The following STXBP4 variants were observed in gnomAD, a reference collection of about 807,000 sequenced individuals.
STXBP4 encodes syntaxin binding protein 4, also known as syntaxin-binding protein 4.
A neutral mutation model predicts 76.1 loss-of-function variants in STXBP4; 55 were observed. The ratio of observed to expected loss-of-function variants is 0.72; its 90% CI spans 0.58 to 0.91. The LOEUF is 0.91. Ranked by LOEUF, STXBP4 falls within the 40% of genes least tolerant of loss-of-function variation. The pLI is 0.00. For missense variants in STXBP4, 618 were observed against 636.9 expected (o/e 0.97, Z 0.32); for synonymous variants, 201 against 220.2 (o/e 0.91, Z 0.77).
At chr17:55,152,945 C>G (rs999522091) in intron 17 of STXBP4, among the ~76,000 whole-genome samples, 1 of 152,106 alleles carries the variant, frequency 6.6e-6, no homozygotes, top group Non-Finnish European at 1.5e-5. Context: ...GTCACTTAAT[C>G]CATTCCAGAG....
chr17:55,073,361 G>T (rs2079144664), intron 13 of STXBP4, among the ~76,000 whole-genome samples: 1 of 152,120 alleles, frequency 6.6e-6, no homozygotes, highest in Admixed American at 6.6e-5. Flanking sequence ...ACATTTAATT[G>T]ATTACATTGG....
At chr17:55,122,569 A>G (rs1038071799) in intron 16 of STXBP4, among the ~76,000 whole-genome samples, 7 of 152,244 alleles carry the variant, frequency 4.6e-5, no homozygotes, top group Non-Finnish European at 8.8e-5. Flanking sequence ...TTTTATGTTT[A>G]CTTTATATCA....
intron 4 of STXBP4, among the ~76,000 whole-genome samples, chr17:54,997,610 A>G (rs1261944793): frequency 1.4e-5 from 2 of 146,080 alleles, no homozygotes; most frequent in Non-Finnish European, 3.0e-5. Context: ...TTATATATAT[A>G]TATATTTTTT....
chr17:55,173,719 T>C (rs919382810), downstream of STXBP4: 5 of 152,358 alleles, frequency 3.3e-5, no homozygotes, highest in East Asian at 5.8e-4. Context: ...GATATATATG[T>C]TTTCTATTGT....
At chr17:55,018,387 G>A (rs980893614) in intron 8 of STXBP4, among the ~76,000 whole-genome samples, 5 of 152,148 alleles carry the variant, frequency 3.3e-5, no homozygotes, top group Non-Finnish European at 5.9e-5. Flanking sequence ...GACAGCGAGC[G>A]AAAACTCAGC....
chr17:55,187,052 A>C, the STXBP4 span, among the ~76,000 whole-genome samples: 1 of 152,260 alleles, frequency 6.6e-6, no homozygotes, highest in Non-Finnish European at 1.5e-5. Context: ...GGATGTCCAG[A>C]GCTGCCTTAT....
At chr17:55,141,557 A>G (rs914191746) in intron 17 of STXBP4, among the ~76,000 whole-genome samples, 190 bp downstream of exon 17, 4 of 152,128 alleles carry the variant, frequency 2.6e-5, no homozygotes, top group Non-Finnish European at 5.9e-5. Flanking sequence ...TGGGGGAAAA[A>G]ACCTGGTAAT....
chr17:55,081,719 A>G (rs978021714), intron 16 of STXBP4, among the ~76,000 whole-genome samples: 22 of 152,134 alleles, frequency 1.4e-4, no homozygotes, highest in Admixed American at 8.5e-4. Context: ...CCAGTTCCCT[A>G]GTCTTCAGAG....
rs542956523 is a variant in STXBP4 at position 55,019,062 on chromosome 17, T to G, written c.666+11465T>G. On this transcript the variant is annotated intron_variant, in intron 8 of 17. Coordinates refer to ENST00000376352, the MANE Select transcript of STXBP4 (RefSeq NM_178509.6). The stretch of plus-strand genomic sequence containing the variant: ...TAATTGTTGGATTAGTTAATTGTTT[T>G]CTGAAGTAGTTTTCTCAATTGTCAT... Among the ~76,000 whole-genome samples the G allele has an allele frequency of 2.0e-5, 3 of 152,364 alleles. No homozygotes were observed. In the East Asian group the frequency reaches 5.8e-4, roughly 29 times the overall value.
chr17:55,120,045 G>A (rs1280615923), intron 16 of STXBP4, among the ~76,000 whole-genome samples: 1 of 152,054 alleles, frequency 6.6e-6, no homozygotes, highest in Non-Finnish European at 1.5e-5. Flanking sequence ...CACAGTTAAG[G>A]TTACTAAAGT....
chr17:54,992,229 C>G (rs536534457), intron 4 of STXBP4, among the ~76,000 whole-genome samples: 1 of 151,466 alleles, frequency 6.6e-6, no homozygotes, highest in Non-Finnish European at 1.5e-5. Context: ...GCCTGGGCAA[C>G]GTAGAGAGAC....
intron 8 of STXBP4, chr17:55,030,806 C>T (rs1370149379): frequency 5.9e-6 from 1 of 169,334 alleles, no homozygotes; most frequent in East Asian, 1.6e-4. Flanking sequence ...AGATGTTAAC[C>T]AAATATAATT....
At chr17:55,124,914 G>A (rs2079891711) in intron 16 of STXBP4, among the ~76,000 whole-genome samples, 2 of 152,126 alleles carry the variant, frequency 1.3e-5, no homozygotes, top group Admixed American at 6.6e-5. Context: ...GGGTGGGGTG[G>A]CTCTTGTCCC....
chr17:55,128,262 A>G (rs1038722462), intron 16 of STXBP4, among the ~76,000 whole-genome samples: 5 of 150,782 alleles, frequency 3.3e-5, no homozygotes, highest in Admixed American at 6.6e-5. Context: ...CATTCAACAA[A>G]TGAAAGTCAA....
intron 7 of STXBP4, among the ~76,000 whole-genome samples, chr17:55,002,100 AT>A (rs1210939037): frequency 6.6e-6 from 1 of 152,158 alleles, no homozygotes; most frequent in Non-Finnish European, 1.5e-5. Flanking sequence ...CTCTTACATA[AT>A]TAATTTCCAG....
chr17:55,022,556 G>T (rs890697430), intron 8 of STXBP4, among the ~76,000 whole-genome samples: 3 of 152,114 alleles, frequency 2.0e-5, no homozygotes, highest in African/African-American at 7.2e-5. Context: ...TGTAGTGGGG[G>T]AAGTAGAAAA....
intron 16 of STXBP4, among the ~76,000 whole-genome samples, chr17:55,117,253 G>C (rs529614827): frequency 8.6e-5 from 13 of 151,718 alleles, no homozygotes; most frequent in African/African-American, 3.1e-4. Flanking sequence ...TTTTGTAACG[G>C]GTATTGAAGC....
intron 16 of STXBP4, among the ~76,000 whole-genome samples, chr17:55,082,968 A>T (rs1486960248): frequency 6.7e-6 from 1 of 148,424 alleles, no homozygotes; most frequent in Non-Finnish European, 1.5e-5. Context: ...GCAAGAAAGC[A>T]TTTTTTTTTT....
chr17:54,994,377 C>T lies in STXBP4; in HGVS notation c.180+3420C>T, dbSNP rs1480336550. On this transcript the variant is annotated intron_variant, in intron 4 of 17. Transcript: ENST00000376352. ...CAGAACTCATGACATTTACATCACA[C>T]CATATTCTGCTCAACTCTTCCCAAA... Among the ~76,000 whole-genome samples, 5 of 152,320 alleles carry T rather than the reference C, an allele frequency of 3.3e-5. No individual in the cohort carries two copies. In the East Asian group the frequency reaches 9.6e-4, roughly 29 times the overall value.
Sources: gnomAD v4.1 joint callset for allele counts (sites outside exome capture counted in the v4.1 genomes callset) on GRCh38, gnomAD v4.1.1 for gene constraint, MANE v1.5 for transcripts, NCBI Gene and HGNC (gene_info 2026-07-23, HGNC 2026-07-21) for gene names.